Variants in SIK2 observed in about 807,000 individuals in gnomAD.
SIK2 encodes serine/threonine-protein kinase SIK2.
SIK2 carries 29 observed loss-of-function variants against 103.2 expected under a neutral mutation model. That is an observed-to-expected ratio of 0.28 (90% CI 0.21 to 0.38). The LOEUF (loss-of-function observed/expected upper bound fraction) is 0.38, where lower values mean the gene tolerates loss of function less well. SIK2 is among the 10% of genes least tolerant of loss of function. The pLI, the probability that SIK2 is intolerant of heterozygous loss-of-function variation, is 1.00. For synonymous variants in SIK2, 412 were observed against 446.1 expected (o/e 0.92, Z 0.96); for missense variants, 879 against 1,171.0 (o/e 0.75, Z 3.64).
chr11:111,673,949 C>T (rs1163666918), intron 3 of SIK2, among the ~76,000 whole-genome samples: 1 of 151,954 alleles, frequency 6.6e-6, no homozygotes, highest in Non-Finnish European at 1.5e-5. Context: ...TGGCACGCAC[C>T]TGTAATCCCA....
chr11:111,662,422 C>T (rs1329464360), intron 3 of SIK2, among the ~76,000 whole-genome samples: 1 of 152,108 alleles, frequency 6.6e-6, no homozygotes, highest in East Asian at 1.9e-4. Flanking sequence ...TATAAAATGG[C>T]AAGTGGTGAA....
rs1305105157 is a variant in SIK2 at position 111,722,225 on chromosome 11, C to T, written c.2055+285C>T. Among the ~76,000 whole-genome samples, 1 of 152,174 alleles carries T rather than the reference C, an allele frequency of 6.6e-6. No individual in the cohort carries two copies. Among genetic ancestry groups the T allele is most frequent in the African/African-American group, 2.4e-5 (1 of 41,426 alleles). On this transcript the variant is annotated intron_variant, in intron 13 of 14. Coordinates refer to ENST00000304987, the MANE Select transcript of SIK2 (RefSeq NM_015191.3). This position sits in a 1 kb window ranked among gnomAD's most constrained non-coding sequence, Gnocchi z 4.4. Reference sequence around the variant, plus strand: ...CTTCTTTCTTTCTAATTGTATTCCTCTTAATGAGTAACAAATAAAATGAAA... The same window carrying T: ...CTTCTTTCTTTCTAATTGTATTCCTTTTAATGAGTAACAAATAAAATGAAA...
chr11:111,696,029 G>A (rs897367896), intron 4 of SIK2, among the ~76,000 whole-genome samples: 9 of 152,120 alleles, frequency 5.9e-5, no homozygotes, highest in East Asian at 1.9e-4. Context: ...GGTCTGCTGC[G>A]GCTGGTTAAT....
intron 3 of SIK2, among the ~76,000 whole-genome samples, chr11:111,686,068 T>C (rs1942841737): frequency 6.6e-6 from 1 of 152,238 alleles, no homozygotes; most frequent in Admixed American, 6.5e-5. Context: ...TCATAGAAGG[T>C]TTTAGGAAGA....
intron 3 of SIK2, among the ~76,000 whole-genome samples, chr11:111,623,363 T>A (rs1941919593): frequency 1.3e-5 from 2 of 152,250 alleles, no homozygotes; most frequent in South Asian, 4.1e-4. Context: ...TTGGTTTTGA[T>A]TGGTTGATGT....
chr11:111,723,833 C>A lies in SIK2; in HGVS notation c.2485C>A (p.Pro829Thr), dbSNP rs45586732. The change falls in exon 15 of 15, where the codon CCT becomes ACT. Residue 829 changes from proline (P) to threonine (T), a missense_variant. Transcript: ENST00000304987. ...QQQQPPPPPP[P>T]PPPRQPGAAP... ...GCAGCAGCCGCCACCGCCACCACCC[C>A]CTCCACCACCACGACAGCCAGGAGC... 2 of 1,613,732 alleles carry A rather than the reference C, an allele frequency of 1.2e-6. No individual in the cohort carries two copies. The highest frequency in any genetic ancestry group is 2.2e-5 in the South Asian group (2 of 91,078).
At chr11:111,610,486 TAA>T (rs373176733) in intron 1 of SIK2, among the ~76,000 whole-genome samples, 14 of 108,458 alleles carry the variant, frequency 1.3e-4, no homozygotes, top group Admixed American at 3.9e-4. Flanking sequence ...AGACTCTGTC[TAA>T]AAAAAAAAAA....
chr11:111,610,006 T>G (rs1415706073), intron 1 of SIK2, among the ~76,000 whole-genome samples: 1 of 152,264 alleles, frequency 6.6e-6, no homozygotes, highest in Admixed American at 6.5e-5. Flanking sequence ...AAACACATGT[T>G]AATCCCTTGT....
rs1041068271 is a variant in SIK2 at position 111,696,482 on chromosome 11, G to A, written c.479-4404G>A. ...TTTAAAAAAGTCAAAATGAAGCCAC[G>A]TGGCATGGCATAAATGTTTTGTTTA... On this transcript the variant is annotated intron_variant, in intron 4 of 14. Coordinates refer to ENST00000304987, the MANE Select transcript of SIK2 (RefSeq NM_015191.3). 1.3e-5 allele frequency among the ~76,000 whole-genome samples: 2 copies of A among 152,160 alleles called. 1 individual carries two copies. Among genetic ancestry groups the A allele is most frequent in the Admixed American group, 1.3e-4 (2 of 15,280 alleles).
At chr11:111,650,279 C>T (rs45487899) in intron 3 of SIK2, among the ~76,000 whole-genome samples, 5,126 of 151,410 alleles carry the variant, frequency 0.034, 179 homozygotes, top group Admixed American at 0.089. Context: ...TCTGAAAAAA[C>T]GGAAGAAAAT....
chr11:111,722,044 T>G lies in SIK2; in HGVS notation c.2055+104T>G, dbSNP rs1459887767. 12 of 819,730 alleles carry G rather than the reference T, an allele frequency of 1.5e-5. No homozygotes were observed. The East Asian group carries it at 3.1e-4, about 21-fold the overall frequency. The allele number at this position is 819,730 out of a possible 1,614,324, so 50.8% of individuals were successfully genotyped here. ...CCTGGCATTTATTTAGGGTAGCTGC[T>G]TGATTCCTTATAGGCAAGTAGCTTT... On this transcript the variant is annotated intron_variant, in intron 13 of 14. Transcript: ENST00000304987. This position sits in a 1 kb window ranked among gnomAD's most constrained non-coding sequence, Gnocchi z 4.4.
intron 9 of SIK2, among the ~76,000 whole-genome samples, chr11:111,717,317 CAAAAAAAAAAAAAA>C (rs34473568): frequency 4.0e-5 from 2 of 49,464 alleles, no homozygotes. Context: ...GACTCCGTCT[CAAAAAAAAAAAAAA>C]AAAAAAAAAA....
At chr11:111,689,204 C>A (rs1942891608) in intron 4 of SIK2, among the ~76,000 whole-genome samples, 1 of 152,028 alleles carries the variant, frequency 6.6e-6, no homozygotes, top group Non-Finnish European at 1.5e-5. Flanking sequence ...AAGTAAAGAC[C>A]AGAATATGAA....
At chr11:111,670,277 C>T (rs1465170436) in intron 3 of SIK2, among the ~76,000 whole-genome samples, 1 of 152,210 alleles carries the variant, frequency 6.6e-6, no homozygotes, top group Non-Finnish European at 1.5e-5. Context: ...CCATTCATGG[C>T]ACAAGCTGCA....
chr11:111,620,464 G>A (rs775068410), intron 3 of SIK2, 62 bp downstream of exon 3: 45 of 1,029,762 alleles, frequency 4.4e-5, no homozygotes, highest in Admixed American at 1.4e-4. Flanking sequence ...CATGAATGGG[G>A]TATTTTCTGT....
intron 3 of SIK2, among the ~76,000 whole-genome samples, chr11:111,635,174 C>T (rs926865626): frequency 1.3e-5 from 2 of 151,886 alleles, no homozygotes; most frequent in Admixed American, 6.6e-5. Flanking sequence ...TAAATTGGGT[C>T]GGACATTAAA....
intron 1 of SIK2, among the ~76,000 whole-genome samples, chr11:111,614,149 T>G (rs1941770510): frequency 6.6e-6 from 1 of 151,186 alleles, no homozygotes; most frequent in South Asian, 2.1e-4. Context: ...TGGCACGATC[T>G]TGGCTCATTG....
At chr11:111,645,738 C>T (rs1207075163) in intron 3 of SIK2, among the ~76,000 whole-genome samples, 1 of 151,592 alleles carries the variant, frequency 6.6e-6, no homozygotes, top group Non-Finnish European at 1.5e-5. Context: ...TCACTTGAAC[C>T]CAGGAGGCGG....
rs74679948 is a variant in SIK2 at position 111,647,867 on chromosome 11, C to T, written c.316+27465C>T. ...TGGGTGACAGTGCGAGACTCTGTCT[C>T]AAAAAAAAAGAAAAAGAAAAACCTC... On this transcript the variant is annotated intron_variant, in intron 3 of 14. Transcript: ENST00000304987. Among the ~76,000 whole-genome samples the T allele has an allele frequency of 1.6e-3, 242 of 148,038 alleles. 2 individuals are homozygous for T. The highest frequency in any genetic ancestry group is 5.6e-3 in the African/African-American group (224 of 40,310).
Sources: allele counts gnomAD v4.1 joint callset (sites outside exome capture counted in the v4.1 genomes callset), GRCh38; gene constraint gnomAD v4.1.1; non-coding constraint Gnocchi (gnomAD v3.1); transcripts MANE v1.5; gene names NCBI Gene and HGNC (gene_info 2026-07-23, HGNC 2026-07-21).